Variants in CCR2 observed in about 807,000 individuals in gnomAD.
CCR2 encodes C-C motif chemokine receptor 2, also known as C-C chemokine receptor type 2.
For synonymous variants in CCR2, 183 were observed against 177.1 expected (o/e 1.03, Z -0.27); for missense variants, 408 against 440.0 (o/e 0.93, Z 0.65).
At chr3:46,355,185 G>A (rs146012105) in intron 1 of CCR2, among the ~76,000 whole-genome samples, 1 of 152,298 alleles carries the variant, frequency 6.6e-6, no homozygotes, top group East Asian at 1.9e-4. Flanking sequence ...AACATAATAA[G>A]TGCTTATCTA....
chr3:46,360,063 T>A lies in CCR2; in HGVS notation c.*1453T>A, dbSNP rs1265675164. On this transcript the variant is annotated 3_prime_UTR_variant, in exon 2 of 2. Coordinates refer to ENST00000445132, the MANE Select transcript of CCR2 (RefSeq NM_001123396.4). ...ACAGGCATAGAGTTCAGACTTTTTT[T>A]AAATAGTAAAAATAAAATTAAAGCT... The A allele has an allele frequency of 3.3e-5, 17 of 509,226 alleles. No homozygotes were observed. In the Admixed American group the frequency reaches 5.1e-4, roughly 15 times the overall value. The allele number at this position is 509,226 out of a possible 1,614,324, so 31.5% of individuals were successfully genotyped here.
intron 1 of CCR2, among the ~76,000 whole-genome samples, chr3:46,354,404 A>G (rs938956508): frequency 6.6e-6 from 1 of 152,142 alleles, no homozygotes; most frequent in African/African-American, 2.4e-5. Flanking sequence ...AGTGGGCAGC[A>G]AGCGAGGCCA....
Position 46,358,841 on chromosome 3 carries a change from G to T in CCR2, c.*231G>T. On this transcript the variant is annotated 3_prime_UTR_variant, in exon 2 of 2. Coordinates refer to ENST00000445132, the MANE Select transcript of CCR2 (RefSeq NM_001123396.4). The stretch of plus-strand genomic sequence containing the variant: ...TTGACTCTCCAGAAAGCTCATCTCA[G>T]CTCCTGAAAAATGCCTCATTACCTT... 7.7e-7 allele frequency: 1 copy of T among 1,291,504 alleles called. No homozygotes were observed. Among genetic ancestry groups the T allele is most frequent in the Non-Finnish European group, 9.9e-7 (1 of 1,010,098 alleles). 80.0% of individuals were successfully genotyped at this position (1,291,504 alleles called of 1,614,324 possible).
chr3:46,355,889 G>A (rs1701442929), intron 1 of CCR2, among the ~76,000 whole-genome samples: 1 of 152,184 alleles, frequency 6.6e-6, no homozygotes, highest in Admixed American at 6.5e-5. Flanking sequence ...TGCCTATAAG[G>A]ATTCAAATCC....
chr3:46,359,000 G>A lies in CCR2; in HGVS notation c.*390G>A. The A allele has an allele frequency of 9.5e-7, 1 of 1,048,758 alleles. No homozygotes were observed. Among genetic ancestry groups the A allele is most frequent in the Non-Finnish European group, 1.2e-6 (1 of 859,254 alleles). The allele number at this position is 1,048,758 out of a possible 1,614,324, so 65.0% of individuals were successfully genotyped here. On this transcript the variant is annotated 3_prime_UTR_variant, in exon 2 of 2. Coordinates refer to ENST00000445132, the MANE Select transcript of CCR2 (RefSeq NM_001123396.4). ...CACAGATGAATGGGAGTGAGGGATA[G>A]TGGGGTCAGGGCTGAGAGGAGAAGG...
In CCR2 at chr3:46,359,950, C is replaced by A; in HGVS notation, c.*1340C>A. The A allele has an allele frequency of 7.7e-7, 1 of 1,304,678 alleles. No homozygotes were observed. The highest frequency in any genetic ancestry group is 1.1e-6 in the Non-Finnish European group (1 of 935,624). 80.8% of individuals were successfully genotyped at this position (1,304,678 alleles called of 1,614,324 possible). ...AGTGTGAATCTTGGTGTCTACGTTA[C>A]CAGGCAGGAAGGCTGAGAGGAGAGA... is the stretch of plus-strand genomic sequence containing the variant. On this transcript the variant is annotated 3_prime_UTR_variant, in exon 2 of 2. Transcript: ENST00000445132.
In CCR2 at chr3:46,357,545, T is replaced by C. The variant is rs1389414998; in HGVS notation, c.18T>C (p.Arg6=). 1.9e-6 allele frequency: 3 copies of C among 1,613,928 alleles called. No individual in the cohort carries two copies. Among genetic ancestry groups the C allele is most frequent in the South Asian group, 1.1e-5 (1 of 91,058 alleles). ...TCCACAACATGCTGTCCACATCTCG[T>C]TCTCGGTTTATCAGAAATACCAACG... MLSTS[R]SRFIRNTNES... Residue 6 remains arginine, a synonymous_variant, in exon 2 of 2, where the codon CGT becomes CGC. Coordinates refer to ENST00000445132, the MANE Select transcript of CCR2 (RefSeq NM_001123396.4).
Position 46,359,956 on chromosome 3 carries a change from A to AG in CCR2, c.*1348dup, listed in dbSNP as rs1184130741. The AG allele has an allele frequency of 1.1e-5, 13 of 1,213,492 alleles. No individual in the cohort carries two copies. The highest frequency in any genetic ancestry group is 1.5e-5 in the Non-Finnish European group (13 of 858,444). The allele number at this position is 1,213,492 out of a possible 1,614,324, so 75.2% of individuals were successfully genotyped here. A position where few individuals can be genotyped will look rare whatever the true frequency, so the allele number is the denominator to read the frequency against. Reference sequence around the variant, plus strand: ...AATCTTGGTGTCTACGTTACCAGGCAGGAAGGCTGAGAGGAGAGAGACTCC... The same window carrying AG: ...AATCTTGGTGTCTACGTTACCAGGCAGGGAAGGCTGAGAGGAGAGAGACTCC... On this transcript the variant is annotated 3_prime_UTR_variant, in exon 2 of 2. Transcript: ENST00000445132.
At chr3:46,355,605 GATGAGCC>G (rs1261305450) in intron 1 of CCR2, among the ~76,000 whole-genome samples, 1 of 152,206 alleles carries the variant, frequency 6.6e-6, no homozygotes. Context: ...CATGGCTTGA[GATGAGCC>G]ATGAGCAAAG....
chr3:46,356,787 G>A (rs557061536), intron 1 of CCR2, among the ~76,000 whole-genome samples: 3 of 152,112 alleles, frequency 2.0e-5, no homozygotes, highest in Admixed American at 6.5e-5. Context: ...GCATGGTGGT[G>A]CACGCCTATA....
chr3:46,356,131 CA>C (rs1480563662), intron 1 of CCR2, among the ~76,000 whole-genome samples: 1 of 152,170 alleles, frequency 6.6e-6, no homozygotes, highest in Non-Finnish European at 1.5e-5. Context: ...AGTGTTGATG[CA>C]GTGAATACAT....
In CCR2 at chr3:46,357,677, G is replaced by T. The variant is rs766403259; in HGVS notation, c.150G>T (p.Ser50=). 6.2e-7 allele frequency: 1 copy of T among 1,614,016 alleles called. No homozygotes were observed. Among genetic ancestry groups the T allele is most frequent in the Non-Finnish European group, 8.5e-7 (1 of 1,180,008 alleles). Residue 50 remains serine (S), a synonymous_variant, in exon 2 of 2, where the codon TCG becomes TCT. Coordinates refer to ENST00000445132, the MANE Select transcript of CCR2 (RefSeq NM_001123396.4). ...CCCAACTCCTGCCTCCGCTCTACTCGCTGGTGTTCATCTTTGGTTTTGTGG... is the reference window on the plus strand; with the variant it reads ...CCCAACTCCTGCCTCCGCTCTACTCTCTGGTGTTCATCTTTGGTTTTGTGG... ...IGAQLLPPLY[S]LVFIFGFVGN...
Position 46,357,798 on chromosome 3 carries a change from TTTC to T in CCR2, c.274_276del (p.Leu92del). 1 of 1,614,214 alleles carries T rather than the reference TTTC, an allele frequency of 6.2e-7. No individual in the cohort carries two copies. The highest frequency in any genetic ancestry group is 2.2e-5 in the East Asian group (1 of 44,886). On this transcript the variant is annotated inframe_deletion, in exon 2 of 2. Coordinates refer to ENST00000445132, the MANE Select transcript of CCR2 (RefSeq NM_001123396.4). ...CAACCTGGCCATCTCTGATCTGCTT[TTTC>T]TTATTACTCTCCCATTGTGGGCTCA...
At position 46,359,535 on chromosome 3, in the gene CCR2, T is replaced by C. The variant is rs771764372; in HGVS notation, c.*925T>C. ...ATCGTGTGGAACCACTGCAGAACTA[T>C]TTCCGAAATCAACTAAGTGGAGAGA... On this transcript the variant is annotated 3_prime_UTR_variant, in exon 2 of 2. Coordinates refer to ENST00000445132, the MANE Select transcript of CCR2 (RefSeq NM_001123396.4). 6.8e-6 allele frequency: 7 copies of C among 1,031,786 alleles called. No homozygotes were observed. Among genetic ancestry groups the C allele is most frequent in the Non-Finnish European group, 6.9e-6 (5 of 729,614 alleles). 63.9% of individuals were successfully genotyped at this position (1,031,786 alleles called of 1,614,324 possible).
rs1701508908 is a variant in CCR2 at position 46,359,304 on chromosome 3, T to C, written c.*694T>C. On this transcript the variant is annotated 3_prime_UTR_variant, in exon 2 of 2. Coordinates refer to ENST00000445132, the MANE Select transcript of CCR2 (RefSeq NM_001123396.4). ...TACATTTGAAATCTATGAAATATCA[T>C]GCTCCATTGTTCAGATGCTTCTTAG... The C allele has an allele frequency of 3.8e-5, 39 of 1,016,750 alleles. No individual in the cohort carries two copies. Among genetic ancestry groups the C allele is most frequent in the Middle Eastern group, 5.0e-4 (1 of 1,996 alleles). 63.0% of individuals were successfully genotyped at this position (1,016,750 alleles called of 1,614,324 possible).
intron 1 of CCR2, among the ~76,000 whole-genome samples, chr3:46,354,703 A>G (rs1354623099): frequency 6.6e-6 from 1 of 152,250 alleles, no homozygotes. Flanking sequence ...TCACTGTAGT[A>G]GAAGCTACAT....
chr3:46,358,889 C>T lies in CCR2; in HGVS notation c.*279C>T. ...CTTGTGCTAATCCTCTTTTTCTAGT[C>T]TTCATAATTTCTTCACTCAATCTCT... is the stretch of plus-strand genomic sequence containing the variant. On this transcript the variant is annotated 3_prime_UTR_variant, in exon 2 of 2. Coordinates refer to ENST00000445132, the MANE Select transcript of CCR2 (RefSeq NM_001123396.4). The T allele has an allele frequency of 8.8e-7, 1 of 1,140,046 alleles. No homozygotes were observed. Among genetic ancestry groups the T allele is most frequent in the Non-Finnish European group, 1.1e-6 (1 of 917,182 alleles). The allele number at this position is 1,140,046 out of a possible 1,614,324, so 70.6% of individuals were successfully genotyped here. A position where few individuals can be genotyped will look rare whatever the true frequency, so the allele number is the denominator to read the frequency against.
rs576850680 is a variant in CCR2 at position 46,354,544 on chromosome 3, T to C, written c.-52+367T>C. Among the ~76,000 whole-genome samples the C allele has an allele frequency of 1.3e-4, 20 of 152,282 alleles. No individual in the cohort carries two copies. The South Asian group carries it at 3.7e-3, about 28-fold the overall frequency. On this transcript the variant is annotated intron_variant, in intron 1 of 1. Coordinates refer to ENST00000445132, the MANE Select transcript of CCR2 (RefSeq NM_001123396.4). The stretch of plus-strand genomic sequence containing the variant: ...GGACCATCCAAGCTCTGAACCAAAA[T>C]GTGTCCCTTGCCTCAACTCAGGAGA...
intron 1 of CCR2, among the ~76,000 whole-genome samples, chr3:46,355,265 G>A (rs1307810626): frequency 6.6e-6 from 1 of 152,176 alleles, no homozygotes; most frequent in Non-Finnish European, 1.5e-5. Flanking sequence ...AGAGAAGGGG[G>A]ATTTGAGCAG....
Sources: gnomAD v4.1 joint callset for allele counts (sites outside exome capture counted in the v4.1 genomes callset) on GRCh38, gnomAD v4.1.1 for gene constraint, MANE v1.5 for transcripts, NCBI Gene and HGNC (gene_info 2026-07-23, HGNC 2026-07-21) for gene names.